Variants in CSNK1G1 observed in about 807,000 individuals in gnomAD.
CSNK1G1 encodes the protein casein kinase I isoform gamma-1.
In CSNK1G1, 22 loss-of-function variants were observed where a neutral mutation model predicts 59.6. The ratio of observed to expected loss-of-function variants is 0.37; its 90% CI spans 0.26 to 0.53. The LOEUF is 0.53. Ranked by LOEUF, CSNK1G1 falls within the 20% of genes least tolerant of loss-of-function variation. CSNK1G1 has a pLI of 0.89. For missense variants in CSNK1G1, 384 were observed against 519.5 expected (o/e 0.74, Z 2.54); for synonymous variants, 179 against 177.1 (o/e 1.01, Z -0.08).
rs1207651194 is a variant in CSNK1G1, at chr15:64,167,567, A to G, written c.*4364T>C. Reference sequence around the variant, plus strand: ...GGTTTCTGGAATTCATCTGCCCACCATAGGGCAATGGTGGGGATGGTGGCA... The same window carrying G: ...GGTTTCTGGAATTCATCTGCCCACCGTAGGGCAATGGTGGGGATGGTGGCA... On this transcript the variant is annotated 3_prime_UTR_variant, in exon 12 of 12. Coordinates refer to ENST00000303052, the MANE Select transcript of CSNK1G1 (RefSeq NM_022048.5). 1 of 152,690 alleles carries G rather than the reference A, an allele frequency of 6.5e-6. No individual in the cohort carries two copies. Among genetic ancestry groups the G allele is most frequent in the Non-Finnish European group, 1.5e-5 (1 of 68,052 alleles). 9.5% of individuals were successfully genotyped at this position (152,690 alleles called of 1,614,324 possible). A position where few individuals can be genotyped will look rare whatever the true frequency, so the allele number is the denominator to read the frequency against.
intron 2 of CSNK1G1, among the ~76,000 whole-genome samples, chr15:64,282,980 T>C (rs1282115931): frequency 2.0e-5 from 3 of 152,292 alleles, no homozygotes; most frequent in South Asian, 2.1e-4. Context: ...CTTTGGCTTA[T>C]AGTAAGAATG....
chr15:64,277,741 T>C (rs1341662616), intron 2 of CSNK1G1, among the ~76,000 whole-genome samples: 2 of 68,768 alleles, frequency 2.9e-5, no homozygotes, highest in Non-Finnish European at 5.6e-5. Context: ...ATATTAATAT[T>C]GATATATTTA....
At chr15:64,324,489 C>T (rs1297547881) in intron 1 of CSNK1G1, among the ~76,000 whole-genome samples, 1 of 152,200 alleles carries the variant, frequency 6.6e-6, no homozygotes, top group Non-Finnish European at 1.5e-5. Flanking sequence ...CGAAGAACAT[C>T]TGACTTCAAG....
chr15:64,229,018 CAAAAAAAAAA>C (rs1218085247), intron 4 of CSNK1G1, among the ~76,000 whole-genome samples: 1 of 65,924 alleles, frequency 1.5e-5, no homozygotes, highest in South Asian at 5.8e-4. Context: ...GACTCTGTCT[CAAAAAAAAAA>C]AAAAAAAAAA....
intron 1 of CSNK1G1, among the ~76,000 whole-genome samples, chr15:64,310,254 G>A (rs972427028): frequency 2.0e-5 from 3 of 152,024 alleles, no homozygotes; most frequent in Admixed American, 2.0e-4. Flanking sequence ...GCACAAAGTA[G>A]GTGAGAGGTA....
At chr15:64,194,886 T>A (rs2082020122) in intron 10 of CSNK1G1, 1 of 152,178 alleles carries the variant, frequency 6.6e-6, no homozygotes. Context: ...TCCAAAACAC[T>A]CTTTTACTGG....
At chr15:64,283,400 T>G (rs986714978) in intron 2 of CSNK1G1, among the ~76,000 whole-genome samples, 2 of 152,094 alleles carry the variant, frequency 1.3e-5, no homozygotes, top group Admixed American at 1.3e-4. Flanking sequence ...TGGATTGCAG[T>G]GGTGTGATCT....
At chr15:64,174,867 C>T (rs2081723117) in intron 11 of CSNK1G1, among the ~76,000 whole-genome samples, 1 of 152,108 alleles carries the variant, frequency 6.6e-6, no homozygotes, top group Admixed American at 6.6e-5. Context: ...CCATCCTGTC[C>T]ATGGTGACCT....
intron 1 of CSNK1G1, among the ~76,000 whole-genome samples, chr15:64,327,321 A>G (rs901223682): frequency 6.0e-5 from 9 of 150,062 alleles, no homozygotes; most frequent in African/African-American, 2.2e-4. Flanking sequence ...ACGCAGCTGG[A>G]GATCTGAGAA....
intron 6 of CSNK1G1, among the ~76,000 whole-genome samples, chr15:64,211,949 A>G (rs1694667053): frequency 6.6e-6 from 1 of 152,248 alleles, no homozygotes; most frequent in African/African-American, 2.4e-5. Flanking sequence ...GTTAAACCAC[A>G]TAATCTTAAG....
At position 64,308,636 on chromosome 15, in the gene CSNK1G1, T is replaced by C. The variant is rs544790901; in HGVS notation, c.-224-7913A>G. Among the ~76,000 whole-genome samples the C allele has an allele frequency of 1.6e-3, 248 of 152,046 alleles. 2 individuals carry two copies. Among genetic ancestry groups the C allele is most frequent in the African/African-American group, 5.8e-3 (239 of 41,490 alleles). ...TCCTGGCCAGGCGCGGTGGCTCACA[T>C]CTATAATCCCAGCACTTTGGGAGGC... On this transcript the variant is annotated intron_variant, in intron 1 of 11. Coordinates refer to ENST00000303052, the MANE Select transcript of CSNK1G1 (RefSeq NM_022048.5).
chr15:64,181,279 A>C, intron 10 of CSNK1G1: 1 of 1,536,122 alleles, frequency 6.5e-7, no homozygotes, highest in Non-Finnish European at 8.7e-7. Context: ...TCATCTGGTT[A>C]ATGTGGACCC....
intron 10 of CSNK1G1, among the ~76,000 whole-genome samples, chr15:64,185,472 G>T (rs1472312387): frequency 6.6e-6 from 1 of 152,206 alleles, no homozygotes; most frequent in Non-Finnish European, 1.5e-5. Flanking sequence ...CTATCTAAGT[G>T]CCAAGGAAGC....
chr15:64,177,551 C>G (rs2081756130), intron 11 of CSNK1G1, among the ~76,000 whole-genome samples: 1 of 152,200 alleles, frequency 6.6e-6, no homozygotes, highest in African/African-American at 2.4e-5. Flanking sequence ...CTCCCCTATG[C>G]TTTCTACATC....
At chr15:64,346,420 GTTTT>G (rs924731983) in intron 1 of CSNK1G1, among the ~76,000 whole-genome samples, 15 of 133,348 alleles carry the variant, frequency 1.1e-4, no homozygotes, top group South Asian at 7.0e-4. Flanking sequence ...TTGGAAACGA[GTTTT>G]TATTTATTTA....
At chr15:64,282,847 G>C (rs941315262) in intron 2 of CSNK1G1, among the ~76,000 whole-genome samples, 1 of 152,112 alleles carries the variant, frequency 6.6e-6, no homozygotes, top group Non-Finnish European at 1.5e-5. Context: ...AGTCACCCTA[G>C]AGGGTATGAA....
chr15:64,275,166 C>T (rs1373722406), intron 2 of CSNK1G1, among the ~76,000 whole-genome samples: 4 of 152,126 alleles, frequency 2.6e-5, no homozygotes, highest in African/African-American at 9.7e-5. Flanking sequence ...CTCTGCCTCC[C>T]GAGTAACTGG....
intron 1 of CSNK1G1, among the ~76,000 whole-genome samples, chr15:64,314,354 T>C (rs1022717501): frequency 6.6e-6 from 1 of 152,066 alleles, no homozygotes; most frequent in Non-Finnish European, 1.5e-5. Context: ...AGTTTAAAAA[T>C]TGTATGTTGA....
At chr15:64,298,272 T>A (rs1895134179) in intron 2 of CSNK1G1, among the ~76,000 whole-genome samples, 1 of 152,210 alleles carries the variant, frequency 6.6e-6, no homozygotes, top group Non-Finnish European at 1.5e-5. Context: ...TTCACAGAAA[T>A]GAAACAATTG....
Sources: allele counts gnomAD v4.1 joint callset (sites outside exome capture counted in the v4.1 genomes callset), GRCh38; gene constraint gnomAD v4.1.1; transcripts MANE v1.5; gene names NCBI Gene and HGNC (gene_info 2026-07-23, HGNC 2026-07-21).